The following ADGRV1 variants were observed in gnomAD, a reference collection of about 807,000 sequenced individuals.
ADGRV1 encodes adhesion G protein-coupled receptor V1.
A neutral mutation model predicts 596.2 loss-of-function variants in ADGRV1; 359 were observed. That is an observed-to-expected ratio of 0.60 (90% confidence interval 0.55 to 0.66). ADGRV1 has a LOEUF of 0.66. ADGRV1 is among the 30% of genes least tolerant of loss of function. ADGRV1 has a pLI of 0.00. For missense variants in ADGRV1, 7,274 were observed against 7,575.6 expected (o/e 0.96, Z 1.48); for synonymous variants, 2,681 against 2,679.2 (o/e 1.00, Z -0.02).
At chr5:90,975,071 A>C (rs1397731276) in intron 84 of ADGRV1, among the ~76,000 whole-genome samples, 1 of 152,144 alleles carries the variant, frequency 6.6e-6, no homozygotes, top group Non-Finnish European at 1.5e-5. Flanking sequence ...AAAATAAGAC[A>C]TTTATGCAGC....
chr5:90,707,464 A>G (rs1748755390), intron 38 of ADGRV1, among the ~76,000 whole-genome samples: 1 of 152,150 alleles, frequency 6.6e-6, no homozygotes, highest in South Asian at 2.1e-4. Flanking sequence ...ACAGAATTAT[A>G]AGTGGTGTAA....
intron 87 of ADGRV1, among the ~76,000 whole-genome samples, chr5:91,106,941 C>T (rs769192824): frequency 2.6e-5 from 4 of 152,168 alleles, no homozygotes; most frequent in East Asian, 1.9e-4. Flanking sequence ...CTCAAGAGGA[C>T]GCAATGCCTA....
chr5:90,681,637 T>A (rs925287838), intron 27 of ADGRV1, among the ~76,000 whole-genome samples, 183 bp downstream of exon 27: 1 of 152,196 alleles, frequency 6.6e-6, no homozygotes, highest in Non-Finnish European at 1.5e-5. Flanking sequence ...GTCTTTAGTA[T>A]TGCACATGGA....
chr5:91,136,083 T>C (rs1405649097), intron 87 of ADGRV1, among the ~76,000 whole-genome samples: 2 of 152,076 alleles, frequency 1.3e-5, no homozygotes, highest in Non-Finnish European at 2.9e-5. Flanking sequence ...GCGGGTGGCC[T>C]TGTTCAGTAT....
intron 1 of ADGRV1, among the ~76,000 whole-genome samples, chr5:90,610,954 G>A (rs779708401): frequency 2.6e-5 from 4 of 151,952 alleles, no homozygotes; most frequent in Non-Finnish European, 5.9e-5. Context: ...AAATACAGTG[G>A]TAGAGGGAAT....
At chr5:91,008,062 G>A (rs1782426537) in intron 85 of ADGRV1, among the ~76,000 whole-genome samples, 1 of 151,890 alleles carries the variant, frequency 6.6e-6, no homozygotes, top group South Asian at 2.1e-4. Context: ...TTTTCTAATG[G>A]CTTTAACCCC....
chr5:91,147,236 T>C (rs1012753140), intron 87 of ADGRV1, among the ~76,000 whole-genome samples: 1 of 151,804 alleles, frequency 6.6e-6, no homozygotes, highest in Non-Finnish European at 1.5e-5. Flanking sequence ...CTAAATTACA[T>C]TGACTAAATT....
rs752896741 is a variant in ADGRV1, at chr5:90,642,733, C to G, written c.2338C>G (p.Pro780Ala). Residue 780 changes from proline to alanine, a missense_variant, in exon 12 of 90, where the codon CCT (proline) becomes GCT (alanine). Physicochemically the swap from Pro to Ala is conservative, Grantham distance 27. Coordinates refer to ENST00000405460, the MANE Select transcript of ADGRV1 (RefSeq NM_032119.4). Reference protein sequence around the residue: ...DDPGGVFEFSPASRGPYVIKE... With the variant: ...DDPGGVFEFSAASRGPYVIKE... ...CCCTGGGGGAGTTTTTGAATTTTCT[C>G]CTGCTTCCAGAGGACCCTATGTTAT... The G allele has an allele frequency of 6.2e-7, 1 of 1,613,400 alleles. No individual in the cohort carries two copies. The highest frequency in any genetic ancestry group is 2.2e-5 in the East Asian group (1 of 44,856).
chr5:90,993,314 A>G (rs534186369), intron 85 of ADGRV1, among the ~76,000 whole-genome samples: 182 of 151,928 alleles, frequency 1.2e-3, no homozygotes, highest in African/African-American at 3.8e-3. Flanking sequence ...ACGCACCACC[A>G]TGCACAGCTA....
intron 83 of ADGRV1, among the ~76,000 whole-genome samples, chr5:90,883,317 G>A (rs1769972239): frequency 6.6e-6 from 1 of 152,072 alleles, no homozygotes; most frequent in African/African-American, 2.4e-5. Context: ...CCATCGAAGA[G>A]GATTTTTATG....
Position 90,722,716 on chromosome 5 carries a change from C to CAA in ADGRV1, c.9748+1696_9748+1697dup, listed in dbSNP as rs55761821. On this transcript the variant is annotated intron_variant, in intron 45 of 89. Transcript: ENST00000405460. ...GGCAACAAGAGCAAAAACTCCGTCT[C>CAA]AAAAAAAAAAAAAAAAAAAAAAAAA... Among the ~76,000 whole-genome samples the CAA allele has an allele frequency of 6.4e-4, 21 of 32,902 alleles. 3 individuals are homozygous for CAA. The highest frequency in any genetic ancestry group is 2.1e-3 in the African/African-American group (17 of 8,128). The allele number at this position is 32,902 out of a possible 152,430, so 21.6% of individuals were successfully genotyped here.
At position 90,693,907 on chromosome 5, in the gene ADGRV1, G is replaced by A. The variant is rs751857929; in HGVS notation, c.7151G>A (p.Arg2384Gln). 6 of 1,556,400 alleles carry A rather than the reference G, an allele frequency of 3.9e-6. No homozygotes were observed. Among genetic ancestry groups the A allele is most frequent in the African/African-American group, 1.4e-5 (1 of 73,152 alleles). Residue 2384 changes from arginine to glutamine, a missense_variant, in exon 33 of 90, where the codon CGG becomes CAG. By Grantham distance (43) the Arg-to-Gln change is conservative. Around this residue, in one of 5 missense-constraint regions of ADGRV1, gnomAD observed 3,643 missense variants for 3,809.2 expected, o/e 0.96. Coordinates refer to ENST00000405460, the MANE Select transcript of ADGRV1 (RefSeq NM_032119.4). ...TVRRSGGHFG[R>Q]LLLFYSTSDI... ...CATTTTAGCGGAGGGCACTTTGGTC[G>A]GCTGTTGTTGTTCTACAGTACTTCC...
chr5:90,680,200 A>G (rs1224647133), intron 26 of ADGRV1, among the ~76,000 whole-genome samples: 1 of 152,104 alleles, frequency 6.6e-6, no homozygotes, highest in African/African-American at 2.4e-5. Context: ...AAATACAAAA[A>G]TTAGCCAAGC....
At chr5:91,120,668 T>G (rs1433952291) in intron 87 of ADGRV1, among the ~76,000 whole-genome samples, 1 of 152,136 alleles carries the variant, frequency 6.6e-6, no homozygotes, top group East Asian at 1.9e-4. Context: ...ATAGCTGATC[T>G]GAGAAGAGAG....
chr5:90,979,900 T>C (rs909949582), intron 84 of ADGRV1, among the ~76,000 whole-genome samples: 1 of 152,216 alleles, frequency 6.6e-6, no homozygotes, highest in African/African-American at 2.4e-5. Flanking sequence ...CTTTTGAATT[T>C]TGTAGATTTT....
At chr5:90,970,674 G>C (rs1778888966) in intron 84 of ADGRV1, among the ~76,000 whole-genome samples, 1 of 152,062 alleles carries the variant, frequency 6.6e-6, no homozygotes, top group Non-Finnish European at 1.5e-5. Context: ...CTGACAAATA[G>C]AAAGGACATC....
At chr5:90,576,706 T>A (rs771020159) in intron 1 of ADGRV1, among the ~76,000 whole-genome samples, 7 of 152,224 alleles carry the variant, frequency 4.6e-5, no homozygotes, top group Non-Finnish European at 8.8e-5. Flanking sequence ...TCCACAATGG[T>A]TGAATTAATT....
chr5:90,761,564 A>C (rs1161524091), intron 58 of ADGRV1, among the ~76,000 whole-genome samples: 1 of 151,216 alleles, frequency 6.6e-6, no homozygotes, highest in Non-Finnish European at 1.5e-5. Flanking sequence ...TGTTAGAGAA[A>C]ATGAAGACCT....
intron 77 of ADGRV1, among the ~76,000 whole-genome samples, chr5:90,832,624 A>G (rs1233668946): frequency 6.6e-6 from 1 of 151,986 alleles, no homozygotes; most frequent in Non-Finnish European, 1.5e-5. Context: ...CCATTTGTCC[A>G]TTTTTACTTT....
Sources: gnomAD v4.1 joint callset for allele counts (sites outside exome capture counted in the v4.1 genomes callset) on GRCh38, gnomAD v4.1.1 for gene constraint, gnomAD v4.1.1 regional missense constraint, MANE v1.5 for transcripts, NCBI Gene and HGNC (gene_info 2026-07-23, HGNC 2026-07-21) for gene names.